Variants in FBXL2 observed in about 807,000 individuals in gnomAD.
FBXL2 encodes F-box/LRR-repeat protein 2.
In FBXL2, 38 loss-of-function variants were observed where a neutral mutation model predicts 69.2. The observed-to-expected ratio is 0.55, with a 90% CI of 0.42 to 0.72. The LOEUF (loss-of-function observed/expected upper bound fraction) is 0.72, where lower values mean the gene tolerates loss of function less well. FBXL2 is among the 30% of genes least tolerant of loss of function. FBXL2 has a pLI of 0.00. For missense variants in FBXL2, 354 were observed against 520.3 expected (o/e 0.68, Z 3.11); for synonymous variants, 192 against 201.3 (o/e 0.95, Z 0.39).
intron 2 of FBXL2, among the ~76,000 whole-genome samples, chr3:33,345,685 A>G (rs2040380262): frequency 6.6e-6 from 1 of 152,218 alleles, no homozygotes; most frequent in Non-Finnish European, 1.5e-5. Flanking sequence ...AAAGAATAGC[A>G]TACAAAATGT....
chr3:33,406,852 A>C (rs765479461), downstream of FBXL2, among the ~76,000 whole-genome samples: 5 of 152,246 alleles, frequency 3.3e-5, no homozygotes, highest in Non-Finnish European at 4.4e-5. Flanking sequence ...TATACAGCTC[A>C]GAGATGAAGA....
At chr3:33,363,347 GT>G (rs1239538749) in intron 4 of FBXL2, among the ~76,000 whole-genome samples, 1 of 152,198 alleles carries the variant, frequency 6.6e-6, no homozygotes, top group Non-Finnish European at 1.5e-5. Flanking sequence ...GGCCCCTGTG[GT>G]TTTGATGTAT....
chr3:33,415,880 T>G, the FBXL2 span: 1 of 152,296 alleles, frequency 6.6e-6, no homozygotes, highest in Admixed American at 6.5e-5. Context: ...GATCCCTAAG[T>G]AACCTTCCAG....
chr3:33,392,744 G>A, downstream of FBXL2: 1 of 777,410 alleles, frequency 1.3e-6, no homozygotes, highest in South Asian at 1.9e-5. Context: ...ATTCATGAAG[G>A]CAGTGTGAGG....
intron 2 of FBXL2, among the ~76,000 whole-genome samples, chr3:33,308,453 G>A (rs1237873110): frequency 6.6e-6 from 1 of 152,040 alleles, no homozygotes; most frequent in African/African-American, 2.4e-5. Context: ...AGGACTACAG[G>A]TATCACTTAA....
chr3:33,408,668 A>C, the FBXL2 span: 1 of 1,596,724 alleles, frequency 6.3e-7, no homozygotes, highest in Non-Finnish European at 8.5e-7. Flanking sequence ...GCACAATGAA[A>C]AGAGAAGCAG....
chr3:33,348,123 C>T (rs1307185770), intron 2 of FBXL2, among the ~76,000 whole-genome samples: 1 of 152,054 alleles, frequency 6.6e-6, no homozygotes, highest in Non-Finnish European at 1.5e-5. Flanking sequence ...AGCATTTCCC[C>T]CAATGCTTTC....
intron 7 of FBXL2, 75 bp downstream of exon 7, chr3:33,373,430 C>T: frequency 3.3e-6 from 5 of 1,515,822 alleles, no homozygotes; most frequent in African/African-American, 1.4e-5. Context: ...TTAATGGTCA[C>T]GTTGGATCCA....
chr3:33,350,432 A>AC (rs2040749682), intron 2 of FBXL2, among the ~76,000 whole-genome samples: 1 of 132,190 alleles, frequency 7.6e-6, no homozygotes, highest in African/African-American at 2.9e-5. Context: ...CTAACATCAT[A>AC]ATTTTTTTTT....
intron 5 of FBXL2, among the ~76,000 whole-genome samples, chr3:33,367,334 G>A (rs2042018158): frequency 1.3e-5 from 2 of 151,998 alleles, no homozygotes; most frequent in African/African-American, 2.4e-5. Context: ...TGCCTGCCTC[G>A]GCCTCCCAAA....
intron 1 of FBXL2, among the ~76,000 whole-genome samples, chr3:33,294,323 C>G (rs1194751244): frequency 1.3e-5 from 2 of 151,992 alleles, no homozygotes. Context: ...CCTTGAACTC[C>G]TGGTCTTAAG....
chr3:33,349,537 T>A (rs1314423566), intron 2 of FBXL2, among the ~76,000 whole-genome samples: 1 of 152,218 alleles, frequency 6.6e-6, no homozygotes, highest in Non-Finnish European at 1.5e-5. Flanking sequence ...GCATCAATAT[T>A]CATCAGAGAT....
intron 2 of FBXL2, among the ~76,000 whole-genome samples, chr3:33,353,727 AT>A (rs1229369181): frequency 6.6e-6 from 1 of 152,034 alleles, no homozygotes; most frequent in Admixed American, 6.6e-5. Context: ...TCTTCAAAAA[AT>A]TTTTTTTTCT....
At chr3:33,391,448 T>G (rs955357173), downstream of FBXL2, 7 of 152,216 alleles carry the variant, frequency 4.6e-5, no homozygotes, top group African/African-American at 1.7e-4. Context: ...TTCTACAGCT[T>G]TGAGTCACTG....
chr3:33,283,785 A>G (rs973393848), intron 1 of FBXL2, among the ~76,000 whole-genome samples: 2 of 152,134 alleles, frequency 1.3e-5, no homozygotes, highest in African/African-American at 4.8e-5. Flanking sequence ...AGGAGGGTAT[A>G]TGTGTCCAGG....
chr3:33,294,970 A>G (rs757456222), intron 1 of FBXL2, among the ~76,000 whole-genome samples: 1 of 152,190 alleles, frequency 6.6e-6, no homozygotes, highest in Non-Finnish European at 1.5e-5. Context: ...ACTAAATATT[A>G]GTCTCATATA....
intron 10 of FBXL2, among the ~76,000 whole-genome samples, chr3:33,375,973 A>C (rs572155628): frequency 1.4e-4 from 22 of 152,320 alleles, no homozygotes; most frequent in African/African-American, 5.3e-4. Context: ...CCTGGCCAAC[A>C]TGGTGACACC....
chr3:33,352,312 A>G (rs759719465), intron 2 of FBXL2, among the ~76,000 whole-genome samples: 5 of 152,200 alleles, frequency 3.3e-5, no homozygotes, highest in Non-Finnish European at 5.9e-5. Context: ...TTTCACAAAT[A>G]TCAACTCAAA....
the FBXL2 span, among the ~76,000 whole-genome samples, chr3:33,418,318 A>G: frequency 2.6e-4 from 40 of 152,140 alleles, no homozygotes; most frequent in Admixed American, 2.3e-3. Context: ...CAGTGGCGCA[A>G]TCTCGGCTCA....
Sources: allele counts gnomAD v4.1 joint callset (sites outside exome capture counted in the v4.1 genomes callset), GRCh38; gene constraint gnomAD v4.1.1; transcripts MANE v1.5; gene names NCBI Gene and HGNC (gene_info 2026-07-23, HGNC 2026-07-21).